The following PTPRT variants were observed in gnomAD, a reference collection of about 807,000 sequenced individuals.
PTPRT encodes protein tyrosine phosphatase receptor type T, also known as receptor-type tyrosine-protein phosphatase T.
Under a neutral mutation model 176.8 loss-of-function variants are expected in PTPRT, and 56 were observed. The ratio of observed to expected loss-of-function variants is 0.32; its 90% CI spans 0.26 to 0.40. The LOEUF is 0.40. Ranked by LOEUF, PTPRT falls within the 10% of genes least tolerant of loss-of-function variation. The pLI is 1.00. For missense variants in PTPRT, 1,540 were observed against 1,908.2 expected (o/e 0.81, Z 3.60); for synonymous variants, 783 against 739.0 (o/e 1.06, Z -0.96).
At chr20:42,533,733 T>C (rs1246302807) in intron 7 of PTPRT, among the ~76,000 whole-genome samples, 1 of 152,248 alleles carries the variant, frequency 6.6e-6, no homozygotes, top group African/African-American at 2.4e-5. Context: ...CCTTGAGGTC[T>C]GGCTAACAGT....
chr20:42,741,642 G>A (rs543384484), intron 6 of PTPRT, among the ~76,000 whole-genome samples: 11 of 152,012 alleles, frequency 7.2e-5, no homozygotes, highest in Non-Finnish European at 1.6e-4. Context: ...CACCACACCC[G>A]GCCTTTTCTG....
At chr20:42,522,322 T>G (rs1215072144) in intron 7 of PTPRT, among the ~76,000 whole-genome samples, 2 of 151,864 alleles carry the variant, frequency 1.3e-5, no homozygotes, top group Non-Finnish European at 2.9e-5. Flanking sequence ...TATGACTACA[T>G]TCTGAGTTTT....
intron 1 of PTPRT, among the ~76,000 whole-genome samples, chr20:43,126,634 T>C (rs1323071581): frequency 1.3e-5 from 2 of 152,218 alleles, no homozygotes; most frequent in Admixed American, 1.3e-4. Flanking sequence ...TACAAAAAGA[T>C]GTTACAAAGG....
At chr20:42,366,795 A>G (rs2058520743) in intron 9 of PTPRT, among the ~76,000 whole-genome samples, 1 of 152,206 alleles carries the variant, frequency 6.6e-6, no homozygotes, top group Non-Finnish European at 1.5e-5. Context: ...TGCGAAGGCT[A>G]TAAACTTGGT....
chr20:42,962,963 C>T (rs1008025739), intron 1 of PTPRT, among the ~76,000 whole-genome samples: 1 of 152,160 alleles, frequency 6.6e-6, no homozygotes, highest in African/African-American at 2.4e-5. Context: ...CTTTGGGAGG[C>T]TGAGGCGGGT....
At chr20:42,576,938 C>T (rs1424603582) in intron 7 of PTPRT, among the ~76,000 whole-genome samples, 1 of 152,098 alleles carries the variant, frequency 6.6e-6, no homozygotes, top group Non-Finnish European at 1.5e-5. Flanking sequence ...ATGAGGAAGA[C>T]AGTCCATTTT....
chr20:42,974,172 G>C (rs1320505399), intron 1 of PTPRT, among the ~76,000 whole-genome samples: 1 of 152,114 alleles, frequency 6.6e-6, no homozygotes, highest in Non-Finnish European at 1.5e-5. Flanking sequence ...GCAATGAGAA[G>C]GGACTTTGCA....
At chr20:43,035,948 T>C (rs1363861842) in intron 1 of PTPRT, among the ~76,000 whole-genome samples, 1 of 152,138 alleles carries the variant, frequency 6.6e-6, no homozygotes, top group East Asian at 1.9e-4. Context: ...CCCTGAACCA[T>C]AAACATACAC....
At chr20:42,659,118 C>T (rs934762906) in intron 7 of PTPRT, among the ~76,000 whole-genome samples, 3 of 152,018 alleles carry the variant, frequency 2.0e-5, no homozygotes, top group Non-Finnish European at 2.9e-5. Flanking sequence ...CTACGAAATG[C>T]CATTAAGACG....
At chr20:42,226,861 T>C (rs1325084549) in intron 15 of PTPRT, among the ~76,000 whole-genome samples, 1 of 148,126 alleles carries the variant, frequency 6.8e-6, no homozygotes, top group African/African-American at 2.5e-5. Context: ...TGAAGATCTC[T>C]GTGGCTCTCA....
intron 1 of PTPRT, among the ~76,000 whole-genome samples, chr20:43,138,695 C>T (rs2013910891): frequency 2.0e-5 from 3 of 152,164 alleles, no homozygotes; most frequent in Admixed American, 2.0e-4. Context: ...CCACTCTACC[C>T]GGGGATTCAG....
chr20:43,046,770 C>T (rs1434728279), intron 1 of PTPRT, among the ~76,000 whole-genome samples: 1 of 152,134 alleles, frequency 6.6e-6, no homozygotes, highest in Non-Finnish European at 1.5e-5. Context: ...ACTTGTTCAA[C>T]TAAAATGAAC....
intron 12 of PTPRT, among the ~76,000 whole-genome samples, chr20:42,312,884 C>A (rs1241036970): frequency 7.0e-6 from 1 of 142,348 alleles, no homozygotes; most frequent in East Asian, 2.1e-4. Flanking sequence ...GTTTGGGGAG[C>A]AAACTGTCGG....
intron 9 of PTPRT, among the ~76,000 whole-genome samples, chr20:42,425,304 G>C (rs1015365037): frequency 6.6e-6 from 1 of 152,196 alleles, no homozygotes; most frequent in Admixed American, 6.6e-5. Flanking sequence ...GCATAAACCA[G>C]TTAGAGGAGG....
At chr20:42,933,657 A>C (rs987228278) in intron 1 of PTPRT, among the ~76,000 whole-genome samples, 12 of 152,184 alleles carry the variant, frequency 7.9e-5, no homozygotes, top group Non-Finnish European at 1.6e-4. Flanking sequence ...CGCTTATCTC[A>C]AAGCTTTTAG....
chr20:42,981,981 T>C (rs2146088002), intron 1 of PTPRT, among the ~76,000 whole-genome samples: 1 of 152,272 alleles, frequency 6.6e-6, no homozygotes, highest in South Asian at 2.1e-4. Context: ...AGGCCACAAC[T>C]AGACCGAGGG....
At chr20:42,503,921 A>G (rs1476456456) in intron 7 of PTPRT, among the ~76,000 whole-genome samples, 1 of 151,990 alleles carries the variant, frequency 6.6e-6, no homozygotes, top group Non-Finnish European at 1.5e-5. Context: ...TGACTCCCTC[A>G]CTTCATTCAG....
chr20:42,546,372 T>C (rs2072674077), intron 7 of PTPRT, among the ~76,000 whole-genome samples: 1 of 152,104 alleles, frequency 6.6e-6, no homozygotes, highest in Non-Finnish European at 1.5e-5. Context: ...CTCAGCAGTG[T>C]ATGATTGGTT....
intron 1 of PTPRT, among the ~76,000 whole-genome samples, chr20:42,929,406 T>C (rs190935335): frequency 2.3e-4 from 35 of 152,336 alleles, no homozygotes; most frequent in Admixed American, 1.8e-3. Context: ...ATTATTCCAA[T>C]TGCATTTAAA....
Sources: gnomAD v4.1 joint callset for allele counts (sites outside exome capture counted in the v4.1 genomes callset) on GRCh38, gnomAD v4.1.1 for gene constraint, MANE v1.5 for transcripts, NCBI Gene and HGNC (gene_info 2026-07-23, HGNC 2026-07-21) for gene names.